Variants in RBMS3 observed in about 807,000 individuals in gnomAD.
RBMS3 encodes the protein RNA-binding motif, single-stranded-interacting protein 3.
RBMS3 carries 27 observed loss-of-function variants against 66.8 expected under a neutral mutation model. The observed-to-expected ratio is 0.40, with a 90% CI of 0.30 to 0.56. The LOEUF (loss-of-function observed/expected upper bound fraction) is 0.56. RBMS3 is among the 20% of genes least tolerant of loss of function. The pLI, the probability that RBMS3 is intolerant of heterozygous loss-of-function variation, is 0.40. For synonymous variants in RBMS3, 188 were observed against 183.0 expected (o/e 1.03, Z -0.22); for missense variants, 513 against 549.5 (o/e 0.93, Z 0.66).
chr3:29,807,790 G>C (rs1041331966), intron 6 of RBMS3, among the ~76,000 whole-genome samples: 1 of 147,586 alleles, frequency 6.8e-6, no homozygotes, highest in African/African-American at 2.6e-5. Flanking sequence ...CTATGTGAAG[G>C]GGTGTGTGTG....
intron 4 of RBMS3, among the ~76,000 whole-genome samples, chr3:29,628,040 A>T (rs971290322): frequency 6.6e-6 from 1 of 152,182 alleles, no homozygotes; most frequent in Non-Finnish European, 1.5e-5. Context: ...CAGACATATT[A>T]AATTACCGGA....
chr3:29,511,036 C>T (rs1342611094), intron 3 of RBMS3, among the ~76,000 whole-genome samples: 4 of 152,204 alleles, frequency 2.6e-5, no homozygotes, highest in East Asian at 1.9e-4. Flanking sequence ...TGGTGGCTCA[C>T]GCCTGTAATC....
intron 1 of RBMS3, among the ~76,000 whole-genome samples, chr3:29,389,712 C>A (rs994595242): frequency 6.6e-6 from 1 of 152,132 alleles, no homozygotes. Flanking sequence ...GGGAAGTGGG[C>A]CCCAAATAAA....
At chr3:29,653,742 C>T (rs950623786) in intron 4 of RBMS3, among the ~76,000 whole-genome samples, 1 of 152,112 alleles carries the variant, frequency 6.6e-6, no homozygotes, top group Non-Finnish European at 1.5e-5. Context: ...GATTCCTCCA[C>T]CCCCATTAGC....
At chr3:29,769,044 A>G (rs1165410916) in intron 6 of RBMS3, among the ~76,000 whole-genome samples, 2 of 151,984 alleles carry the variant, frequency 1.3e-5, no homozygotes, top group Non-Finnish European at 2.9e-5. Flanking sequence ...AGTGAATTTC[A>G]TGGCCCAAAT....
chr3:29,506,527 G>A (rs986768878), intron 3 of RBMS3, among the ~76,000 whole-genome samples: 1 of 151,842 alleles, frequency 6.6e-6, no homozygotes, highest in Admixed American at 6.6e-5. Flanking sequence ...AGGGATATTC[G>A]CCTGTAATAT....
intron 4 of RBMS3, among the ~76,000 whole-genome samples, chr3:29,620,068 G>A (rs2048813613): frequency 1.3e-5 from 2 of 152,252 alleles, no homozygotes; most frequent in South Asian, 4.1e-4. Context: ...AAATATTTCT[G>A]TAAGTTAAAA....
In RBMS3 at chr3:29,936,106, C is replaced by A. The variant is rs781590319; in HGVS notation, c.960C>A (p.Thr320=). Reference sequence around the variant, plus strand: ...TGTAGGGTGCTGTGATTACACCAACCATGGACCATCCCATGTCAATGCAGC... The same window carrying A: ...TGTAGGGTGCTGTGATTACACCAACAATGGACCATCCCATGTCAATGCAGC... ...MQPTGAVITP[T]MDHPMSMQPA... is the part of the protein sequence containing the mutation. The change falls in exon 11 of 15, where the codon ACC becomes ACA. Residue 320 remains threonine (T), a synonymous_variant. Coordinates refer to ENST00000383767, the MANE Select transcript of RBMS3 (RefSeq NM_001003793.3). The A allele has an allele frequency of 3.1e-6, 5 of 1,613,148 alleles. No homozygotes were observed. The highest frequency in any genetic ancestry group is 2.7e-5 in the African/African-American group (2 of 75,010).
chr3:29,886,425 C>T (rs1292003833), intron 8 of RBMS3, among the ~76,000 whole-genome samples: 1 of 151,732 alleles, frequency 6.6e-6, no homozygotes, highest in Non-Finnish European at 1.5e-5. Context: ...CTGTCTTTGT[C>T]CAGCTAGGAC....
At chr3:29,442,774 C>T (rs1575826147) in intron 2 of RBMS3, among the ~76,000 whole-genome samples, 2 of 152,144 alleles carry the variant, frequency 1.3e-5, no homozygotes, top group South Asian at 4.2e-4. Flanking sequence ...TTTAATTAAG[C>T]TCTCTGTTAC....
intron 10 of RBMS3, among the ~76,000 whole-genome samples, chr3:29,923,070 G>C (rs1255961924): frequency 6.6e-6 from 1 of 152,126 alleles, no homozygotes; most frequent in Non-Finnish European, 1.5e-5. Flanking sequence ...TGGCTAACTC[G>C]ATGACCTGTG....
intron 3 of RBMS3, among the ~76,000 whole-genome samples, chr3:29,521,317 A>G (rs1312965841): frequency 6.6e-6 from 1 of 152,118 alleles, no homozygotes; most frequent in East Asian, 1.9e-4. Flanking sequence ...TACATTTATC[A>G]TTACTTGTTA....
chr3:29,925,514 G>C (rs12629265), intron 10 of RBMS3, among the ~76,000 whole-genome samples: 133,084 of 152,222 alleles, frequency 0.87, 58,286 homozygotes, highest in East Asian at 0.99. Context: ...CTAAATATCA[G>C]TGGCTGTCAT....
chr3:29,301,626 G>C (rs139825741), intron 1 of RBMS3, among the ~76,000 whole-genome samples: 76 of 152,030 alleles, frequency 5.0e-4, no homozygotes, highest in Middle Eastern at 6.8e-3. Context: ...TTCTTTGTTT[G>C]CTTGCTTGAA....
intron 6 of RBMS3, among the ~76,000 whole-genome samples, chr3:29,802,232 C>A (rs1258671049): frequency 1.3e-5 from 2 of 152,130 alleles, no homozygotes; most frequent in African/African-American, 4.8e-5. Context: ...ACTTTATGGG[C>A]TATTTGCTCA....
chr3:29,411,358 T>C (rs1187575566), intron 1 of RBMS3, among the ~76,000 whole-genome samples: 2 of 152,206 alleles, frequency 1.3e-5, no homozygotes, highest in African/African-American at 2.4e-5. Flanking sequence ...ATATTTCCTC[T>C]TTTGACAAAT....
chr3:29,602,021 A>G (rs1276128827), intron 4 of RBMS3, among the ~76,000 whole-genome samples: 2 of 152,036 alleles, frequency 1.3e-5, no homozygotes, highest in Non-Finnish European at 2.9e-5. Context: ...TCATTTGGAC[A>G]CAGTCTGATC....
At chr3:29,842,683 T>A (rs543185321) in intron 6 of RBMS3, among the ~76,000 whole-genome samples, 1 of 152,248 alleles carries the variant, frequency 6.6e-6, no homozygotes, top group South Asian at 2.1e-4. Context: ...AAGTTAAGAA[T>A]CTTTAGATGG....
At chr3:29,644,698 A>G (rs2049850838) in intron 4 of RBMS3, among the ~76,000 whole-genome samples, 1 of 152,194 alleles carries the variant, frequency 6.6e-6, no homozygotes, top group Non-Finnish European at 1.5e-5. Context: ...TTAGTCTTTC[A>G]TTGCAGGCAC....
Sources: allele counts gnomAD v4.1 joint callset (sites outside exome capture counted in the v4.1 genomes callset), GRCh38; gene constraint gnomAD v4.1.1; transcripts MANE v1.5; gene names NCBI Gene and HGNC (gene_info 2026-07-23, HGNC 2026-07-21).